The following PPA1 variants were observed in gnomAD, a reference collection of about 807,000 sequenced individuals.
PPA1 encodes the protein inorganic pyrophosphatase 1, also known as inorganic pyrophosphatase.
A neutral mutation model predicts 41.8 loss-of-function variants in PPA1; 23 were observed. The observed-to-expected ratio is 0.55, with a 90% CI of 0.40 to 0.78. PPA1 has a LOEUF of 0.78. Among genes scored for constraint, PPA1 ranks in the 30% least tolerant of loss-of-function variants. PPA1 has a pLI of 0.00. For missense variants in PPA1, 320 were observed against 361.6 expected (o/e 0.89, Z 0.93); for synonymous variants, 101 against 116.8 (o/e 0.86, Z 0.87).
intron 2 of PPA1, among the ~76,000 whole-genome samples, chr10:70,229,125 C>G (rs1202525882): frequency 6.6e-6 from 1 of 152,082 alleles, no homozygotes; most frequent in Non-Finnish European, 1.5e-5. Flanking sequence ...CAAACTGCTT[C>G]CATTGGAAAG....
At chr10:70,233,196 C>T in intron 1 of PPA1, 68 bp downstream of exon 1, 3 of 1,496,900 alleles carry the variant, frequency 2.0e-6, no homozygotes, top group Non-Finnish European at 2.7e-6. Context: ...CGCACCCTCC[C>T]GGGGAGGCAA....
chr10:70,215,176 C>T (rs987203982), intron 4 of PPA1, among the ~76,000 whole-genome samples: 3 of 152,106 alleles, frequency 2.0e-5, no homozygotes, highest in Non-Finnish European at 2.9e-5. Context: ...GCCTGGGCAA[C>T]AGAGCAAGGC....
chr10:70,213,630 C>A, intron 5 of PPA1, 41 bp from the exon 6 acceptor site: 2 of 1,602,494 alleles, frequency 1.2e-6, no homozygotes, highest in South Asian at 2.2e-5. Flanking sequence ...ATTACAGAAC[C>A]ACACTCTAGA....
At position 70,222,335 on chromosome 10, in the gene PPA1, CAAAAAAAAAAAA is replaced by C. The variant is rs67974203; in HGVS notation, c.124-3530_124-3519del. Among the ~76,000 whole-genome samples, 14 of 73,168 alleles carry C rather than the reference CAAAAAAAAAAAA, an allele frequency of 1.9e-4. No individual in the cohort carries two copies. In the South Asian group the frequency reaches 4.6e-3, roughly 24 times the overall value. 48.0% of individuals were successfully genotyped at this position (73,168 alleles called of 152,430 possible). On this transcript the variant is annotated intron_variant, in intron 2 of 10. Coordinates refer to ENST00000373232, the MANE Select transcript of PPA1 (RefSeq NM_021129.4). ...TGGGCCACAGAGCAAGACTCCGTCT[CAAAAAAAAAAAA>C]AAAAAAAAAAAAGAAATTAGCTGGG...
At chr10:70,213,684 T>C in intron 5 of PPA1, 95 bp from the exon 6 acceptor site, 5 of 1,398,598 alleles carry the variant, frequency 3.6e-6, no homozygotes, top group Non-Finnish European at 4.8e-6. Flanking sequence ...AGAGGCCAAG[T>C]TCTTGAGAAT....
Position 70,206,336 on chromosome 10 carries a change from A to G in PPA1, c.726-3T>C, listed in dbSNP as rs1839938680. Reference sequence around the variant, plus strand: ...TCTCAGACAAAGTTGTATTCATGCTATTAAATAAAACAAAAGTAGTCATAA... The same window carrying G: ...TCTCAGACAAAGTTGTATTCATGCTGTTAAATAAAACAAAAGTAGTCATAA... On this transcript the variant is annotated splice_polypyrimidine_tract_variant and splice_region_variant and intron_variant, in intron 8 of 10. Coordinates refer to ENST00000373232, the MANE Select transcript of PPA1 (RefSeq NM_021129.4). 1.9e-6 allele frequency: 3 copies of G among 1,607,716 alleles called. No homozygotes were observed. The highest frequency in any genetic ancestry group is 2.6e-6 in the Non-Finnish European group (3 of 1,174,338).
intron 2 of PPA1, among the ~76,000 whole-genome samples, chr10:70,228,274 C>A (rs1366662543): frequency 6.6e-6 from 1 of 152,242 alleles, no homozygotes; most frequent in African/African-American, 2.4e-5. Context: ...CAAAATGTAG[C>A]CTGTTTCCTA....
chr10:70,206,338 TA>T lies in PPA1; in HGVS notation c.726-6del, dbSNP rs1352683639. ...TCAGACAAAGTTGTATTCATGCTAT[TA>T]AATAAAACAAAAGTAGTCATAAGAC... On this transcript the variant is annotated splice_polypyrimidine_tract_variant and splice_region_variant and intron_variant, in intron 8 of 10. Transcript: ENST00000373232. 6.2e-7 allele frequency: 1 copy of T among 1,605,358 alleles called. No homozygotes were observed. Among genetic ancestry groups the T allele is most frequent in the Non-Finnish European group, 8.5e-7 (1 of 1,172,276 alleles).
intron 8 of PPA1, among the ~76,000 whole-genome samples, chr10:70,207,376 A>G (rs1012454196): frequency 6.6e-6 from 1 of 152,204 alleles, no homozygotes; most frequent in Admixed American, 6.5e-5. Flanking sequence ...TTAAAATATG[A>G]TATTTCTAGA....
In PPA1 at chr10:70,217,813, T is replaced by C. The variant is rs745331372; in HGVS notation, c.296A>G (p.Gln99Arg). Residue 99 changes from glutamine to arginine, a missense_variant and splice_region_variant, in exon 4 of 11, where the codon CAG becomes CGG. Physicochemically the swap from Gln to Arg is conservative, Grantham distance 43. Transcript: ENST00000373232. The stretch of plus-strand genomic sequence containing the variant: ...GTCAGCAGTTGCATGAAGACATACC[T>C]GAGGGATGGCACCATAGTTCCAGAT... ...GYIWNYGAIP[Q>R]TWEDPGHNDK... The C allele has an allele frequency of 6.4e-7, 1 of 1,561,242 alleles. No individual in the cohort carries two copies.
intron 2 of PPA1, among the ~76,000 whole-genome samples, chr10:70,219,546 C>T (rs1239136361): frequency 6.6e-6 from 1 of 152,168 alleles, no homozygotes; most frequent in African/African-American, 2.4e-5. Context: ...TCAAACAAAA[C>T]TCATCAGCTT....
At chr10:70,221,032 A>ATG in intron 2 of PPA1, among the ~76,000 whole-genome samples, 1 of 75,664 alleles carries the variant, frequency 1.3e-5, no homozygotes, top group Non-Finnish European at 2.2e-5. Flanking sequence ...TATATAATAT[A>ATG]TATATAAATT....
intron 2 of PPA1, among the ~76,000 whole-genome samples, chr10:70,226,593 A>AT (rs1564586122): frequency 1.3e-5 from 2 of 152,060 alleles, no homozygotes; most frequent in African/African-American, 2.4e-5. Flanking sequence ...TATTTTTGCT[A>AT]TTTTTTCTTT....
intron 1 of PPA1, among the ~76,000 whole-genome samples, chr10:70,231,918 T>G (rs1337243924): frequency 6.6e-6 from 1 of 152,182 alleles, no homozygotes; most frequent in Non-Finnish European, 1.5e-5. Flanking sequence ...AGCTTGAAGA[T>G]CCACCCCTCA....
chr10:70,220,230 T>G (rs1840122532), intron 2 of PPA1, among the ~76,000 whole-genome samples: 1 of 148,886 alleles, frequency 6.7e-6, no homozygotes, highest in Admixed American at 6.8e-5. Context: ...GCACCTGGCC[T>G]GCAATTATGC....
intron 4 of PPA1, among the ~76,000 whole-genome samples, chr10:70,214,984 C>T (rs2136757758): frequency 6.6e-6 from 1 of 152,214 alleles, no homozygotes; most frequent in African/African-American, 2.4e-5. Context: ...CACCTGAGGT[C>T]AGGAGTTTGA....
chr10:70,220,965 ATTTTTATATATATAC>A (rs1840150826), intron 2 of PPA1, among the ~76,000 whole-genome samples: 1 of 33,410 alleles, frequency 3.0e-5, no homozygotes, highest in African/African-American at 1.6e-4. Flanking sequence ...AATATATATA[ATTTTTATATATATAC>A]TATATATATA....
At chr10:70,230,200 C>T (rs371023462) in intron 2 of PPA1, 141 bp downstream of exon 2, 29 of 1,006,874 alleles carry the variant, frequency 2.9e-5, no homozygotes, top group Middle Eastern at 5.3e-4. Context: ...TGAGCCACCA[C>T]GCCCAGCCTA....
At chr10:70,207,128 GCT>G (rs1839954593) in intron 8 of PPA1, among the ~76,000 whole-genome samples, 1 of 151,852 alleles carries the variant, frequency 6.6e-6, no homozygotes, top group Non-Finnish European at 1.5e-5. Flanking sequence ...CTTTTAAAAA[GCT>G]CATAGGTCTT....
Sources: gnomAD v4.1 joint callset for allele counts (sites outside exome capture counted in the v4.1 genomes callset) on GRCh38, gnomAD v4.1.1 for gene constraint, MANE v1.5 for transcripts, NCBI Gene and HGNC (gene_info 2026-07-23, HGNC 2026-07-21) for gene names.